The following DMRT1 variants were observed in gnomAD, a reference collection of about 807,000 sequenced individuals.
DMRT1 encodes the protein doublesex and mab-3 related transcription factor 1, also known as doublesex- and mab-3-related transcription factor 1.
Under a neutral mutation model 32.3 loss-of-function variants are expected in DMRT1, and 7 were observed. That is an observed-to-expected ratio of 0.22 (90% CI 0.12 to 0.41). The LOEUF is 0.41. Among genes scored for constraint, DMRT1 ranks in the 10% least tolerant of loss-of-function variants. The pLI is 1.00. For synonymous variants in DMRT1, 278 were observed against 206.1 expected, an observed-to-expected ratio of 1.35 and a Z score of -2.99; for missense variants, 625 against 500.5, an observed-to-expected ratio of 1.25 and a Z score of -2.37.
intron 2 of DMRT1, among the ~76,000 whole-genome samples, chr9:885,768 C>G (rs1040007734): frequency 6.6e-6 from 1 of 152,152 alleles, no homozygotes; most frequent in African/African-American, 2.4e-5. Flanking sequence ...TGCAGTGGAG[C>G]CTTCGCAAGG....
intron 4 of DMRT1, among the ~76,000 whole-genome samples, chr9:964,252 A>T (rs765897722): frequency 2.0e-5 from 3 of 152,136 alleles, no homozygotes; most frequent in Non-Finnish European, 2.9e-5. Context: ...TTCAAAAATA[A>T]TACTCATGGT....
intron 2 of DMRT1, among the ~76,000 whole-genome samples, chr9:890,865 C>T (rs1817119218): frequency 6.6e-6 from 1 of 152,096 alleles, no homozygotes; most frequent in Admixed American, 6.5e-5. Flanking sequence ...CAGGTACGCA[C>T]CACCATGCCG....
intron 2 of DMRT1, among the ~76,000 whole-genome samples, chr9:869,185 C>G (rs1203369668): frequency 6.6e-6 from 1 of 152,140 alleles, no homozygotes; most frequent in African/African-American, 2.4e-5. Flanking sequence ...ACAGAAAGTA[C>G]TAAGTGAATT....
Position 872,765 on chromosome 9 carries a change from A to G in DMRT1, c.539-21147A>G, listed in dbSNP as rs1021252709. 3.9e-5 allele frequency among the ~76,000 whole-genome samples: 6 copies of G among 152,288 alleles called. No individual in the cohort carries two copies. The South Asian group carries it at 1.0e-3, about 26-fold the overall frequency. ...TATGTTCAAATTTTTGTGTAAATAT[A>G]TGTATTCTCTTGTGTATTTACTTCA... On this transcript the variant is annotated intron_variant, in intron 2 of 4. Coordinates refer to ENST00000382276, the MANE Select transcript of DMRT1 (RefSeq NM_021951.3).
intron 2 of DMRT1, among the ~76,000 whole-genome samples, chr9:849,091 A>G (rs192504702): frequency 5.1e-4 from 78 of 151,710 alleles, no homozygotes; most frequent in African/African-American, 1.7e-3. Context: ...CAAACGTCTC[A>G]GGAGGTAGGA....
rs1297804793 is a variant in DMRT1 at position 845,866 on chromosome 9, C to T, written c.355-1094C>T. ...TCCAAGTCCTCCTCATCCTATTCTT[C>T]AAGGCTCTGTCCAAATACTACTGCT... On this transcript the variant is annotated intron_variant, in intron 1 of 4. Coordinates refer to ENST00000382276, the MANE Select transcript of DMRT1 (RefSeq NM_021951.3). Among the ~76,000 whole-genome samples the T allele has an allele frequency of 2.0e-5, 3 of 152,190 alleles. No individual in the cohort carries two copies. The East Asian group carries it at 5.8e-4, about 29-fold the overall frequency.
chr9:845,528 G>A (rs555762207), intron 1 of DMRT1, among the ~76,000 whole-genome samples: 2 of 152,202 alleles, frequency 1.3e-5, no homozygotes, highest in East Asian at 3.9e-4. Flanking sequence ...CTTTAACGGT[G>A]TTATTGAAGA....
At chr9:858,995 C>T (rs764187488) in intron 2 of DMRT1, among the ~76,000 whole-genome samples, 23 of 151,968 alleles carry the variant, frequency 1.5e-4, no homozygotes, top group Non-Finnish European at 2.6e-4. Flanking sequence ...ACTTCCCAGA[C>T]AGAAACTCTG....
intron 4 of DMRT1, among the ~76,000 whole-genome samples, chr9:926,679 GAC>G (rs1358035416): frequency 2.3e-5 from 2 of 88,666 alleles, no homozygotes; most frequent in African/African-American, 8.6e-5. Context: ...GCCTAGAGAA[GAC>G]ACAGGTAGAG....
intron 4 of DMRT1, among the ~76,000 whole-genome samples, chr9:928,270 A>G (rs191039775): frequency 2.6e-5 from 4 of 152,338 alleles, no homozygotes; most frequent in Non-Finnish European, 4.4e-5. Flanking sequence ...TCCCATGATC[A>G]TCTGCTTAAC....
At chr9:850,928 C>T (rs752626664) in intron 2 of DMRT1, among the ~76,000 whole-genome samples, 11 of 150,092 alleles carry the variant, frequency 7.3e-5, no homozygotes, top group Non-Finnish European at 1.6e-4. Context: ...ACTCGAGAGG[C>T]TGAGGCAGGG....
intron 3 of DMRT1, among the ~76,000 whole-genome samples, chr9:898,051 A>G (rs1328456711): frequency 6.7e-6 from 1 of 150,158 alleles, no homozygotes; most frequent in Non-Finnish European, 1.5e-5. Context: ...CCTTTAGCTA[A>G]TGTTGAAGGG....
At chr9:924,300 G>A (rs1391459337) in intron 4 of DMRT1, among the ~76,000 whole-genome samples, 1 of 152,158 alleles carries the variant, frequency 6.6e-6, no homozygotes, top group African/African-American at 2.4e-5. Flanking sequence ...TCGAACTCCT[G>A]ACCTCAAGTG....
intron 2 of DMRT1, among the ~76,000 whole-genome samples, chr9:858,865 AAAAAAATATATATAT>A (rs1273848153): frequency 9.4e-4 from 58 of 61,590 alleles, no homozygotes; most frequent in African/African-American, 3.3e-3. Context: ...AAAAAAAAAA[AAAAAAATATATATAT>A]ATATATATAT....
chr9:941,391 C>T (rs2129910836), intron 4 of DMRT1, among the ~76,000 whole-genome samples: 1 of 128,134 alleles, frequency 7.8e-6, no homozygotes, highest in East Asian at 2.7e-4. Flanking sequence ...CATGTTATAA[C>T]ATGGATGAAC....
intron 2 of DMRT1, among the ~76,000 whole-genome samples, chr9:879,010 T>C (rs1156959422): frequency 6.6e-6 from 1 of 152,146 alleles, no homozygotes; most frequent in Non-Finnish European, 1.5e-5. Context: ...GCCTGTTTCA[T>C]GGAAAGAAAT....
intron 4 of DMRT1, among the ~76,000 whole-genome samples, chr9:941,158 A>G (rs1344080052): frequency 6.6e-6 from 1 of 152,232 alleles, no homozygotes; most frequent in Non-Finnish European, 1.5e-5. Context: ...CACATGATCC[A>G]GCAATTACAC....
intron 3 of DMRT1, among the ~76,000 whole-genome samples, chr9:899,851 G>T (rs1017485900): frequency 1.3e-5 from 2 of 152,208 alleles, no homozygotes; most frequent in African/African-American, 4.8e-5. Flanking sequence ...GCGCCCTCTT[G>T]ACTGCTTTTC....
chr9:901,159 C>T (rs563201984), intron 3 of DMRT1, among the ~76,000 whole-genome samples: 1 of 152,272 alleles, frequency 6.6e-6, no homozygotes, highest in East Asian at 1.9e-4. Context: ...AGGCTACAGG[C>T]ATGTACCACC....
Sources: gnomAD v4.1 joint callset for allele counts (sites outside exome capture counted in the v4.1 genomes callset) on GRCh38, gnomAD v4.1.1 for gene constraint, MANE v1.5 for transcripts, NCBI Gene and HGNC (gene_info 2026-07-23, HGNC 2026-07-21) for gene names.